RNF213: variants seen among roughly 807,000 people sequenced by gnomAD.
The protein encoded by RNF213 is ring finger protein 213.
A neutral mutation model predicts 514.4 loss-of-function variants in RNF213; 341 were observed. That is an observed-to-expected ratio of 0.66 (90% CI 0.61 to 0.73). The LOEUF is 0.73. Ranked by LOEUF, RNF213 falls within the 30% of genes least tolerant of loss-of-function variation. The pLI is 0.00. For missense variants in RNF213, 5,767 were observed against 6,615.6 expected, an observed-to-expected ratio of 0.87 and a Z score of 4.45; for synonymous variants, 2,655 against 2,658.2, an observed-to-expected ratio of 1.00 and a Z score of 0.04.
In RNF213 at chr17:80,288,837, A is replaced by T; in HGVS notation, c.933+82A>T. 1 of 1,603,362 alleles carries T rather than the reference A, an allele frequency of 6.2e-7. No homozygotes were observed. The highest frequency in any genetic ancestry group is 8.5e-7 in the Non-Finnish European group (1 of 1,173,016). On this transcript the variant is annotated intron_variant, in intron 5 of 67. Coordinates refer to ENST00000582970, the MANE Select transcript of RNF213 (RefSeq NM_001256071.3). The surrounding 1 kb of genome is among the most constrained non-coding windows in gnomAD (Gnocchi z 4.9). ...CCTCTTTCATTTAATTATTCAGCAA[A>T]TATTTAAGTGCTGGGGATATAGCCA...
chr17:80,353,395 C>A lies in RNF213; in HGVS notation c.10424-117C>A. 1 of 1,195,400 alleles carries A rather than the reference C, an allele frequency of 8.4e-7. No individual in the cohort carries two copies. The highest frequency in any genetic ancestry group is 1.2e-6 in the Non-Finnish European group (1 of 827,850). The allele number at this position is 1,195,400 out of a possible 1,614,324, so 74.0% of individuals were successfully genotyped here. On this transcript the variant is annotated intron_variant, in intron 33 of 67. Transcript: ENST00000582970. This position sits in a 1 kb window ranked among gnomAD's most constrained non-coding sequence, Gnocchi z 5.0. ...CTCATCTGGGGACCTAGCACCACAGCAGGGGCCGGGGAAGCCTGCACTCGG... is the reference window on the plus strand; with the variant it reads ...CTCATCTGGGGACCTAGCACCACAGAAGGGGCCGGGGAAGCCTGCACTCGG...
At chr17:80,299,378 G>A (rs1012793793) in intron 11 of RNF213, among the ~76,000 whole-genome samples, 3 of 152,074 alleles carry the variant, frequency 2.0e-5, no homozygotes, top group African/African-American at 7.2e-5. Flanking sequence ...CCTACAAGTG[G>A]AACTGCTAGG....
chr17:80,376,263 C>T (rs1283397383), intron 51 of RNF213, 38 bp from the exon 52 acceptor site: 1 of 1,611,962 alleles, frequency 6.2e-7, no homozygotes, highest in East Asian at 2.2e-5. Flanking sequence ...ACACAATATT[C>T]TTTGATACAT....
chr17:80,388,530 C>A, intron 63 of RNF213, 82 bp from the exon 64 acceptor site: 1 of 968,444 alleles, frequency 1.0e-6, no homozygotes, highest in Non-Finnish European at 1.7e-6. Flanking sequence ...TGCAGTTTTC[C>A]GGCTGCAGAT....
rs2079339873 is a variant in RNF213 at position 80,367,793 on chromosome 17, G to A, written c.11917G>A (p.Ala3973Thr). 5 of 1,614,230 alleles carry A rather than the reference G, an allele frequency of 3.1e-6. No individual in the cohort carries two copies. The South Asian group carries it at 5.5e-5, about 18-fold the overall frequency. ...SDVKTHGPFEAVMRTLCECKE... is the reference protein window; with the variant it reads ...SDVKTHGPFETVMRTLCECKE... ...CGTGAAGACGCACGGGCCTTTTGAG[G>A]CCGTGATGCGCACTCTCTGTGAATG... The change falls in exon 43 of 68, where the codon GCC (alanine) becomes ACC (threonine). Residue 3973 changes from alanine (A) to threonine (T), a missense_variant. Coordinates refer to ENST00000582970, the MANE Select transcript of RNF213 (RefSeq NM_001256071.3).
At chr17:80,390,239 G>A in intron 67 of RNF213, 43 bp downstream of exon 67, 1 of 1,582,956 alleles carries the variant, frequency 6.3e-7, no homozygotes, top group Non-Finnish European at 8.7e-7. Context: ...ACACAATGTT[G>A]TGCTGTCTCT....
At chr17:80,267,594 A>G (rs78930901) in intron 2 of RNF213, among the ~76,000 whole-genome samples, 1 of 152,158 alleles carries the variant, frequency 6.6e-6, no homozygotes, top group Admixed American at 6.6e-5. Context: ...GTAAAGCCCT[A>G]ACTCTCCTGT....
Position 80,343,059 on chromosome 17 carries a change from C to T in RNF213, c.5990-73C>T, listed in dbSNP as rs547656580. The T allele has an allele frequency of 1.2e-4, 153 of 1,259,334 alleles. No homozygotes were observed. In the East Asian group the frequency reaches 2.7e-3, roughly 22 times the overall value. 78.0% of individuals were successfully genotyped at this position (1,259,334 alleles called of 1,614,324 possible). ...CTGACCTCAAGTGATCCCCCCGCCT[C>T]GGCCTCCCAAAGTGCTAGGATTACA... On this transcript the variant is annotated intron_variant, in intron 26 of 67. Transcript: ENST00000582970. This position sits in a 1 kb window ranked among gnomAD's most constrained non-coding sequence, Gnocchi z 4.3.
rs549287825 is a variant in RNF213 at position 80,348,174 on chromosome 17, C to T, written c.9839C>T (p.Ala3280Val). Reference sequence around the variant, plus strand: ...GCCTACTCGCTGGGCGGGTTCGCAGCGGAGTGGCTGTCGCAGGAGTACTTT... The same window carrying T: ...GCCTACTCGCTGGGCGGGTTCGCAGTGGAGTGGCTGTCGCAGGAGTACTTT... The part of the protein sequence containing the change: ...LSAYSLGGFA[A>V]EWLSQEYFHR... Residue 3280 changes from alanine (A) to valine (V), a missense_variant, in exon 29 of 68, where the codon GCG (alanine) becomes GTG (valine). Physicochemically the swap from Ala to Val is moderately conservative, Grantham distance 64 (BLOSUM62 0). This residue lies in a region of RNF213 where 919 missense variants were observed against 1,121.0 expected (regional missense o/e 0.82). Transcript: ENST00000582970. The T allele has an allele frequency of 4.1e-5, 66 of 1,614,038 alleles. 1 individual carries two copies. The South Asian group carries it at 6.4e-4, about 16-fold the overall frequency.
chr17:80,358,253 G>T, intron 36 of RNF213, 35 bp from the exon 37 acceptor site: 1 of 1,606,784 alleles, frequency 6.2e-7, no homozygotes, highest in South Asian at 1.1e-5. Flanking sequence ...TGGTTCCTCT[G>T]ACCCGTGGTG....
intron 3 of RNF213, among the ~76,000 whole-genome samples, chr17:80,282,605 A>T (rs2044340363): frequency 6.6e-6 from 1 of 151,804 alleles, no homozygotes; most frequent in African/African-American, 2.4e-5. Flanking sequence ...TCACCGTGTT[A>T]GCCAGGATGG....
At chr17:80,386,535 A>C (rs953346547) in intron 62 of RNF213, 105 bp downstream of exon 62, 3 of 1,431,982 alleles carry the variant, frequency 2.1e-6, no homozygotes, top group Non-Finnish European at 2.9e-6. Context: ...ACAGACACTC[A>C]CTCCTTCAGC....
At chr17:80,273,171 G>A in intron 2 of RNF213, 70 bp from the exon 3 acceptor site, 1 of 1,592,414 alleles carries the variant, frequency 6.3e-7, no homozygotes. Context: ...TCGTGGGGAG[G>A]ATTTCTGTTT....
intron 63 of RNF213, among the ~76,000 whole-genome samples, chr17:80,388,283 A>G (rs942858389): frequency 2.0e-5 from 3 of 152,286 alleles, no homozygotes; most frequent in Admixed American, 6.5e-5. Context: ...CTGCCTGTGC[A>G]TGGTCTGTGC....
rs76886219 is a variant in RNF213, at chr17:80,382,555, G to A, written c.13979-424G>A. On this transcript the variant is annotated intron_variant, in intron 57 of 67. Coordinates refer to ENST00000582970, the MANE Select transcript of RNF213 (RefSeq NM_001256071.3). ...TTCTGGTGGGATTTCAGCAAAGTGA[G>A]CACACCCAGAGTCACACTGATGAAA... 1,729 of 181,544 alleles carry A rather than the reference G, an allele frequency of 9.5e-3. 78 individuals carry two copies. The East Asian group carries it at 0.13, about 14-fold the overall frequency. The allele number at this position is 181,544 out of a possible 1,614,324, so 11.2% of individuals were successfully genotyped here.
chr17:80,359,948 T>C (rs777394179), intron 37 of RNF213, 113 bp from the exon 38 acceptor site: 184 of 1,077,666 alleles, frequency 1.7e-4, no homozygotes, highest in Non-Finnish European at 2.4e-4. Context: ...CCTGGCCTGT[T>C]GGCCCCTTTG....
chr17:80,346,488 G>A lies in RNF213; in HGVS notation c.8153G>A (p.Ser2718Asn). 2 of 1,613,876 alleles carry A rather than the reference G, an allele frequency of 1.2e-6. No homozygotes were observed. The highest frequency in any genetic ancestry group is 1.7e-6 in the Non-Finnish European group (2 of 1,180,044). ...TTCTTTCCGAAACCGTATGACGACAGCAGGCTGCTTCTGGATGAAATAACA... is the reference window on the plus strand; with the variant it reads ...TTCTTTCCGAAACCGTATGACGACAACAGGCTGCTTCTGGATGAAATAACA... ...ARFFPKPYDD[S>N]RLLLDEITRA... The change falls in exon 29 of 68, where the codon AGC (serine) becomes AAC (asparagine). Residue 2718 changes from serine (S) to asparagine (N), a missense_variant. Around this residue, in one of 13 missense-constraint regions of RNF213, gnomAD observed 1,377 missense variants for 1,635.2 expected, o/e 0.84. Transcript: ENST00000582970. This position sits in a 1 kb window ranked among gnomAD's most constrained non-coding sequence, Gnocchi z 8.1.
intron 40 of RNF213, 32 bp from the exon 41 acceptor site, chr17:80,363,577 G>A (rs371672780): frequency 5.6e-6 from 9 of 1,610,774 alleles, no homozygotes; most frequent in East Asian, 4.5e-5. Context: ...GAGGGGCACC[G>A]CTCAGCCACG....
chr17:80,356,436 G>A (rs1266426015), intron 36 of RNF213, among the ~76,000 whole-genome samples: 1 of 152,240 alleles, frequency 6.6e-6, no homozygotes, highest in African/African-American at 2.4e-5. Flanking sequence ...TGGTCACCGT[G>A]AGGCCTGCGC....
Sources: allele counts gnomAD v4.1 joint callset (sites outside exome capture counted in the v4.1 genomes callset), GRCh38; gene constraint gnomAD v4.1.1; regional missense constraint gnomAD v4.1.1; non-coding constraint Gnocchi (gnomAD v3.1); transcripts MANE v1.5; gene names NCBI Gene and HGNC (gene_info 2026-07-23, HGNC 2026-07-21).